The following RANBP3L variants were observed in gnomAD, a reference collection of about 807,000 sequenced individuals.
RANBP3L encodes RAN binding protein 3 like.
In RANBP3L, 56 loss-of-function variants were observed where a neutral mutation model predicts 67.2. The ratio of observed to expected loss-of-function variants is 0.83; its 90% CI spans 0.67 to 1.04. The LOEUF is 1.04. Among genes scored for constraint, RANBP3L ranks in the 50% least tolerant of loss-of-function variants. RANBP3L has a pLI of 0.00. For missense variants in RANBP3L, 496 were observed against 535.5 expected (o/e 0.93, Z 0.73); for synonymous variants, 164 against 181.4 (o/e 0.90, Z 0.77).
chr5:36,283,690 A>G (rs890528462), intron 1 of RANBP3L, among the ~76,000 whole-genome samples: 4 of 152,130 alleles, frequency 2.6e-5, no homozygotes, highest in Admixed American at 2.0e-4. Context: ...TTACTCTTTC[A>G]ATAGCAATAT....
chr5:36,280,014 C>T (rs533268810), intron 1 of RANBP3L, among the ~76,000 whole-genome samples: 1 of 152,114 alleles, frequency 6.6e-6, no homozygotes, highest in East Asian at 1.9e-4. Context: ...CTGATTACAA[C>T]CATTATTATC....
At chr5:36,287,831 A>G (rs1479605677) in intron 1 of RANBP3L, among the ~76,000 whole-genome samples, 1 of 152,206 alleles carries the variant, frequency 6.6e-6, no homozygotes, top group Non-Finnish European at 1.5e-5. Context: ...AGCTGACTAA[A>G]GTTATACTAA....
chr5:36,282,078 T>C (rs1458888268), intron 1 of RANBP3L, among the ~76,000 whole-genome samples: 1 of 152,200 alleles, frequency 6.6e-6, no homozygotes, highest in Non-Finnish European at 1.5e-5. Context: ...TGTCCTAGGA[T>C]GTGCTTGGTC....
chr5:36,294,166 T>C (rs1345543261), intron 1 of RANBP3L, among the ~76,000 whole-genome samples: 1 of 152,158 alleles, frequency 6.6e-6, no homozygotes, highest in Non-Finnish European at 1.5e-5. Flanking sequence ...CCATTTCTTC[T>C]AGATTTTCTA....
At chr5:36,276,775 T>A (rs1008358783) in intron 1 of RANBP3L, among the ~76,000 whole-genome samples, 3 of 152,070 alleles carry the variant, frequency 2.0e-5, no homozygotes, top group Admixed American at 6.6e-5. Flanking sequence ...TTTGAAAGGA[T>A]CTACTGAGTC....
chr5:36,288,989 C>T (rs1246682750), intron 1 of RANBP3L, among the ~76,000 whole-genome samples: 1 of 151,880 alleles, frequency 6.6e-6, no homozygotes, highest in Non-Finnish European at 1.5e-5. Context: ...TTTTGTCAGT[C>T]TAAAAAGCTG....
intron 4 of RANBP3L, 120 bp from the exon 5 acceptor site, chr5:36,265,640 G>A (rs1303956266): frequency 3.6e-6 from 2 of 562,672 alleles, no homozygotes; most frequent in African/African-American, 3.9e-5. Flanking sequence ...CACTAACAGA[G>A]TAGTAGGTAG....
rs1308611854 is a variant in RANBP3L, at chr5:36,253,636, T to C, written c.1167+11A>G. On this transcript the variant is annotated intron_variant, in intron 12 of 13. Transcript: ENST00000296604. ...TAGGATAATCTTCTATCACTGAAAT[T>C]TCTCCCTTACCTGAATTAAAAATAT... The C allele has an allele frequency of 6.3e-7, 1 of 1,582,428 alleles. No individual in the cohort carries two copies. Among genetic ancestry groups the C allele is most frequent in the African/African-American group, 1.3e-5 (1 of 74,082 alleles).
At chr5:36,275,451 T>C (rs1750507456) in intron 1 of RANBP3L, among the ~76,000 whole-genome samples, 1 of 152,200 alleles carries the variant, frequency 6.6e-6, no homozygotes, top group East Asian at 1.9e-4. Context: ...TACTGGCACA[T>C]ATTAGTCCCA....
Position 36,260,812 on chromosome 5 carries a change from CA to C in RANBP3L, c.636del (p.Phe212LeufsTer8). The C allele has an allele frequency of 6.4e-7, 1 of 1,564,224 alleles. No individual in the cohort carries two copies. Among genetic ancestry groups the C allele is most frequent in the South Asian group, 1.1e-5 (1 of 87,960 alleles). ...CTTTCTACCATGTTTTCTCCAAAAA[CA>C]AAATTGGAACTGCAGCTTTTAAAAG... ...KCSFKSCSSN[F>X]VFGENMVERV... On this transcript the variant is annotated frameshift_variant, in exon 8 of 14. Coordinates refer to ENST00000296604, the MANE Select transcript of RANBP3L (RefSeq NM_145000.5). LOFTEE classifies it high-confidence loss of function.
chr5:36,257,342 TA>T, intron 9 of RANBP3L, 111 bp downstream of exon 9: 3 of 454,794 alleles, frequency 6.6e-6, no homozygotes, highest in Non-Finnish European at 1.1e-5. Context: ...ATTGGTTTTT[TA>T]AATCTTATAG....
At chr5:36,267,154 A>T (rs1749856119) in intron 4 of RANBP3L, among the ~76,000 whole-genome samples, 1 of 152,182 alleles carries the variant, frequency 6.6e-6, no homozygotes, top group Non-Finnish European at 1.5e-5. Flanking sequence ...GTTACTTGAT[A>T]TACTGTTGCT....
intron 1 of RANBP3L, among the ~76,000 whole-genome samples, chr5:36,283,946 C>G (rs1751154541): frequency 6.6e-6 from 1 of 151,926 alleles, no homozygotes; most frequent in Non-Finnish European, 1.5e-5. Context: ...TTCTTTATCT[C>G]TCCTGTTTGA....
intron 1 of RANBP3L, among the ~76,000 whole-genome samples, chr5:36,286,078 A>T (rs1220812959): frequency 6.6e-6 from 1 of 152,198 alleles, no homozygotes; most frequent in Non-Finnish European, 1.5e-5. Flanking sequence ...ACCTTAAGGA[A>T]CAAAGAGTTT....
chr5:36,281,064 G>T (rs1313453039), intron 1 of RANBP3L, among the ~76,000 whole-genome samples: 3 of 152,226 alleles, frequency 2.0e-5, no homozygotes, highest in South Asian at 4.2e-4. Flanking sequence ...GTAAATAAAA[G>T]AATGACTGCT....
chr5:36,262,043 C>G lies in RANBP3L; in HGVS notation c.481-1G>C, dbSNP rs749934913. 2.7e-6 allele frequency: 4 copies of G among 1,492,040 alleles called. No homozygotes were observed. The highest frequency in any genetic ancestry group is 3.7e-6 in the Non-Finnish European group (4 of 1,072,268). 92.4% of individuals were successfully genotyped at this position (1,492,040 alleles called of 1,614,324 possible). On this transcript the variant is annotated splice_acceptor_variant, in intron 6 of 13. Coordinates refer to ENST00000296604, the MANE Select transcript of RANBP3L (RefSeq NM_145000.5). LOFTEE classifies it high-confidence loss of function. ...ACAAATAGGAATTTCCCTCAGAAAT[C>G]TGAAAGTAAAGAAATCCATCAAAAA...
At chr5:36,259,177 A>T (rs1749196805) in intron 8 of RANBP3L, among the ~76,000 whole-genome samples, 1 of 152,238 alleles carries the variant, frequency 6.6e-6, no homozygotes, top group Non-Finnish European at 1.5e-5. Flanking sequence ...TCACATCCAA[A>T]GGCATAGGTC....
rs1052015118 is a variant in RANBP3L at position 36,248,627 on chromosome 5, T to C, written c.*1027A>G. ...CATTTTCAGAAACATCTTGGAATTATGAATTTTTATCCCCTAATCAGATAA... is the reference window on the plus strand; with the variant it reads ...CATTTTCAGAAACATCTTGGAATTACGAATTTTTATCCCCTAATCAGATAA... On this transcript the variant is annotated 3_prime_UTR_variant, in exon 14 of 14. Transcript: ENST00000296604. 7.9e-5 allele frequency: 12 copies of C among 152,194 alleles called. No homozygotes were observed. Among genetic ancestry groups the C allele is most frequent in the Admixed American group, 7.2e-4 (11 of 15,274 alleles). 9.4% of individuals were successfully genotyped at this position (152,194 alleles called of 1,614,324 possible).
chr5:36,289,337 G>A (rs1262276078), intron 1 of RANBP3L, among the ~76,000 whole-genome samples: 2 of 152,044 alleles, frequency 1.3e-5, no homozygotes, highest in Non-Finnish European at 2.9e-5. Context: ...AATGTAGGTT[G>A]TCAACTTTGT....
Sources: gnomAD v4.1 joint callset for allele counts (sites outside exome capture counted in the v4.1 genomes callset) on GRCh38, gnomAD v4.1.1 for gene constraint, MANE v1.5 for transcripts, NCBI Gene and HGNC (gene_info 2026-07-23, HGNC 2026-07-21) for gene names.